Variants in SH3KBP1 observed in about 807,000 individuals in gnomAD.
The protein encoded by SH3KBP1 is SH3 domain containing kinase binding protein 1.
SH3KBP1 carries 8 observed loss-of-function variants against 50.1 expected under a neutral mutation model. The ratio of observed to expected loss-of-function variants is 0.16; its 90% CI spans 0.09 to 0.29. SH3KBP1 has a LOEUF of 0.29. Among genes scored for constraint, SH3KBP1 ranks in the 10% least tolerant of loss-of-function variants. The pLI is 1.00. For synonymous variants in SH3KBP1, 227 were observed against 218.6 expected, an observed-to-expected ratio of 1.04 and a Z score of -0.34; for missense variants, 377 against 535.2, an observed-to-expected ratio of 0.70 and a Z score of 2.92.
intron 7 of SH3KBP1, among the ~76,000 whole-genome samples, chrX:19,644,527 A>T (rs1176838739): frequency 8.9e-6 from 1 of 111,878 alleles, no homozygotes; most frequent in Non-Finnish European, 1.9e-5. Flanking sequence ...AAAATATTTT[A>T]AAAAATAAAA....
At chrX:19,615,927 T>C (rs1301424311) in intron 8 of SH3KBP1, among the ~76,000 whole-genome samples, 1 of 109,750 alleles carries the variant, frequency 9.1e-6, no homozygotes, top group Non-Finnish European at 1.9e-5. Context: ...CTTTTTTTTT[T>C]TTTTTTTAGA....
chrX:19,629,103 T>G (rs1286424454), intron 8 of SH3KBP1, among the ~76,000 whole-genome samples: 2 of 110,130 alleles, frequency 1.8e-5, no homozygotes, highest in Non-Finnish European at 3.8e-5. Context: ...TGAGACCCTG[T>G]CTCAAAAACA....
At chrX:19,653,763 TACACACACACACAC>T (rs60424271) in intron 6 of SH3KBP1, among the ~76,000 whole-genome samples, 2,136 of 80,251 alleles carry the variant, frequency 0.027, 71 homozygotes, top group African/African-American at 0.083. Context: ...TATGTCTAAA[TACACACACACACAC>T]ACACACACAC....
chrX:19,635,336 G>A (rs910195368), intron 7 of SH3KBP1, among the ~76,000 whole-genome samples: 1 of 108,503 alleles, frequency 9.2e-6, no homozygotes, highest in Non-Finnish European at 1.9e-5. Context: ...ACCAAGCACC[G>A]CATGTTCTCA....
At chrX:19,875,588 C>A (rs1434096394) in intron 1 of SH3KBP1, among the ~76,000 whole-genome samples, 4 of 112,495 alleles carry the variant, frequency 3.6e-5, no homozygotes, top group Non-Finnish European at 7.5e-5. Context: ...CCTCCATGCG[C>A]CCTCCTTCAA....
intron 16 of SH3KBP1, among the ~76,000 whole-genome samples, chrX:19,541,345 G>A (rs1279090530): frequency 8.9e-6 from 1 of 111,855 alleles, no homozygotes; most frequent in African/African-American, 3.3e-5. Context: ...TAGAGATGTG[G>A]CGAGAGTGTG....
At chrX:19,799,931 AGTGTGGAACCTG>A (rs2066847539) in intron 2 of SH3KBP1, 1 of 339,741 alleles carries the variant, frequency 2.9e-6, no homozygotes, top group Non-Finnish European at 3.8e-6. Context: ...GGCACTTGAG[AGTGTGGAACCTG>A]TATGACTGAG....
At chrX:19,581,000 G>A (rs1377700871) in intron 12 of SH3KBP1, among the ~76,000 whole-genome samples, 1 of 111,223 alleles carries the variant, frequency 9.0e-6, no homozygotes, top group Non-Finnish European at 1.9e-5. Context: ...CAGGATGGAC[G>A]GTGTGTAGTG....
intron 6 of SH3KBP1, among the ~76,000 whole-genome samples, chrX:19,668,475 A>G (rs2062672473): frequency 9.4e-6 from 1 of 106,193 alleles, no homozygotes; most frequent in African/African-American, 3.5e-5. Context: ...GAAAGTTTTT[A>G]AAAACAGGCA....
At chrX:19,802,667 C>T (rs1303142084) in intron 2 of SH3KBP1, among the ~76,000 whole-genome samples, 1 of 111,586 alleles carries the variant, frequency 9.0e-6, no homozygotes, top group South Asian at 3.7e-4. Flanking sequence ...CATTCTCACT[C>T]GCTCTGGGCT....
intron 2 of SH3KBP1, among the ~76,000 whole-genome samples, chrX:19,833,626 C>A (rs2067979433): frequency 1.8e-5 from 2 of 108,713 alleles, no homozygotes; most frequent in African/African-American, 6.7e-5. Context: ...CGCCTTTCCA[C>A]AGTCCTCCTT....
intron 6 of SH3KBP1, among the ~76,000 whole-genome samples, chrX:19,646,178 T>G (rs2061984610): frequency 8.9e-6 from 1 of 112,084 alleles, no homozygotes; most frequent in Admixed American, 9.4e-5. Context: ...GACCCTATGC[T>G]TCCACTGACT....
chrX:19,668,288 A>T (rs754796751), intron 6 of SH3KBP1, among the ~76,000 whole-genome samples: 2 of 100,622 alleles, frequency 2.0e-5, no homozygotes, highest in Non-Finnish European at 4.1e-5. Flanking sequence ...GGGTGGATCA[A>T]CTGAGGTCAG....
intron 6 of SH3KBP1, among the ~76,000 whole-genome samples, chrX:19,659,361 C>T (rs1364564252): frequency 9.1e-6 from 1 of 110,091 alleles, no homozygotes; most frequent in African/African-American, 3.3e-5. Flanking sequence ...GTGATCCGCC[C>T]GCCTTGGTCT....
rs1334058527 is a variant in SH3KBP1 at position 19,588,414 on chromosome X, T to C, written c.1298+229A>G. The C allele has an allele frequency of 8.9e-6, 10 of 1,127,650 alleles. No individual in the cohort carries two copies. In the South Asian group the frequency reaches 1.9e-4, roughly 22 times the overall value. The allele number at this position is 1,127,650 out of a possible 1,213,427, so 92.9% of individuals were successfully genotyped here. Reference sequence around the variant, plus strand: ...CTAAATGCTGGGTACCCAGTCCTCATGAAACCCACACCGCACCCCTCAACC... The same window carrying C: ...CTAAATGCTGGGTACCCAGTCCTCACGAAACCCACACCGCACCCCTCAACC... On this transcript the variant is annotated intron_variant, in intron 12 of 17. Transcript: ENST00000397821.
chrX:19,823,802 A>G (rs923522448), intron 2 of SH3KBP1, among the ~76,000 whole-genome samples: 4 of 111,796 alleles, frequency 3.6e-5, no homozygotes, highest in Non-Finnish European at 7.5e-5. Flanking sequence ...AAGTTCCGCA[A>G]TTAGAATGTA....
chrX:19,584,238 A>T (rs1009314413), intron 12 of SH3KBP1, among the ~76,000 whole-genome samples: 8 of 89,904 alleles, frequency 8.9e-5, no homozygotes, highest in Non-Finnish European at 8.3e-5. Flanking sequence ...ATATATATAA[A>T]TATATGTATA....
intron 3 of SH3KBP1, among the ~76,000 whole-genome samples, chrX:19,739,554 A>T (rs1249160052): frequency 1.8e-5 from 2 of 109,556 alleles, no homozygotes; most frequent in African/African-American, 6.6e-5. Flanking sequence ...ATCTAGAGTC[A>T]TGCCTATGGG....
At chrX:19,761,582 C>T (rs1367434250) in intron 2 of SH3KBP1, among the ~76,000 whole-genome samples, 1 of 111,676 alleles carries the variant, frequency 9.0e-6, no homozygotes, top group Non-Finnish European at 1.9e-5. Flanking sequence ...CCTCAACTAC[C>T]ATGATAGTTA....
Sources: gnomAD v4.1 joint callset for allele counts (sites outside exome capture counted in the v4.1 genomes callset) on GRCh38, gnomAD v4.1.1 for gene constraint, MANE v1.5 for transcripts, NCBI Gene and HGNC (gene_info 2026-07-23, HGNC 2026-07-21) for gene names.